Variants in LSAMP observed in about 807,000 individuals in gnomAD.
The protein encoded by LSAMP is limbic system-associated membrane protein.
A neutral mutation model predicts 38.6 loss-of-function variants in LSAMP; 7 were observed. That is an observed-to-expected ratio of 0.18 (90% CI 0.10 to 0.34). The LOEUF is 0.34. Among genes scored for constraint, LSAMP ranks in the 10% least tolerant of loss-of-function variants. LSAMP has a pLI of 1.00. For synonymous variants in LSAMP, 154 were observed against 166.8 expected, an observed-to-expected ratio of 0.92 and a Z score of 0.59; for missense variants, 313 against 420.0, an observed-to-expected ratio of 0.75 and a Z score of 2.23.
intron 1 of LSAMP, among the ~76,000 whole-genome samples, chr3:116,164,683 A>ATG (rs1559766336): frequency 1.9e-5 from 2 of 106,886 alleles, no homozygotes; most frequent in Non-Finnish European, 3.6e-5. Flanking sequence ...ATATATATAT[A>ATG]ATCCAAATAT....
intron 1 of LSAMP, among the ~76,000 whole-genome samples, chr3:116,270,158 A>AT (rs1196567662): frequency 1.3e-5 from 2 of 152,080 alleles, no homozygotes; most frequent in African/African-American, 2.4e-5. Context: ...TTTAGGTCAG[A>AT]TTTTTATATG....
chr3:115,909,565 A>G (rs1170410829), intron 3 of LSAMP, among the ~76,000 whole-genome samples: 2 of 152,094 alleles, frequency 1.3e-5, no homozygotes, highest in East Asian at 1.9e-4. Context: ...GGGAACTCCT[A>G]TTGCTAGATA....
At chr3:115,819,424 G>C (rs555044847) in intron 6 of LSAMP, among the ~76,000 whole-genome samples, 96 of 151,002 alleles carry the variant, frequency 6.4e-4, no homozygotes, top group Non-Finnish European at 1.2e-3. Flanking sequence ...GTGAGACTCT[G>C]TCCAAAAAAA....
intron 3 of LSAMP, among the ~76,000 whole-genome samples, chr3:116,017,190 C>T (rs1940507401): frequency 6.6e-6 from 1 of 152,070 alleles, no homozygotes; most frequent in African/African-American, 2.4e-5. Flanking sequence ...GGTTCCACAT[C>T]AGAAGTTTTA....
At chr3:116,130,743 T>C (rs1322980747) in intron 1 of LSAMP, among the ~76,000 whole-genome samples, 2 of 152,182 alleles carry the variant, frequency 1.3e-5, no homozygotes, top group Non-Finnish European at 2.9e-5. Context: ...TTTAATACAG[T>C]GTATAGCTAC....
intron 1 of LSAMP, among the ~76,000 whole-genome samples, chr3:116,340,273 G>T (rs1418055659): frequency 2.0e-5 from 3 of 151,986 alleles, no homozygotes; most frequent in Admixed American, 2.0e-4. Context: ...CTGACATGTT[G>T]CCTGTTACAT....
chr3:116,167,023 C>T (rs1710072701), intron 1 of LSAMP, among the ~76,000 whole-genome samples: 1 of 152,042 alleles, frequency 6.6e-6, no homozygotes, highest in Non-Finnish European at 1.5e-5. Flanking sequence ...GATCTCCTGA[C>T]CTCGTGATCC....
chr3:115,995,759 T>A (rs1480898214), intron 3 of LSAMP, among the ~76,000 whole-genome samples: 3 of 152,106 alleles, frequency 2.0e-5, no homozygotes, highest in African/African-American at 7.2e-5. Context: ...AAAACTCATG[T>A]TACATTTGAT....
intron 1 of LSAMP, among the ~76,000 whole-genome samples, chr3:116,430,382 C>T (rs1241244215): frequency 2.0e-5 from 3 of 152,022 alleles, no homozygotes; most frequent in African/African-American, 7.2e-5. Flanking sequence ...CAGAATATCA[C>T]ATAATTATGA....
intron 1 of LSAMP, among the ~76,000 whole-genome samples, chr3:116,378,884 T>C (rs1283807655): frequency 6.6e-6 from 1 of 151,866 alleles, no homozygotes; most frequent in Non-Finnish European, 1.5e-5. Flanking sequence ...TTCACAAAGT[T>C]AAATTGACCT....
intron 1 of LSAMP, among the ~76,000 whole-genome samples, chr3:116,142,079 A>G (rs1042102252): frequency 6.6e-6 from 1 of 151,968 alleles, no homozygotes; most frequent in Non-Finnish European, 1.5e-5. Context: ...GCGGTAGGTG[A>G]ATTGGTTATG....
At chr3:115,846,855 C>T (rs552638880) in intron 4 of LSAMP, among the ~76,000 whole-genome samples, 12 of 152,218 alleles carry the variant, frequency 7.9e-5, no homozygotes, top group Non-Finnish European at 1.5e-4. Context: ...GCACAACATG[C>T]GGCGACACAG....
intron 3 of LSAMP, among the ~76,000 whole-genome samples, chr3:115,970,910 T>G (rs191812453): frequency 6.6e-6 from 1 of 152,222 alleles, no homozygotes; most frequent in East Asian, 1.9e-4. Flanking sequence ...GTGTTAGGGG[T>G]TTTTTATAGT....
At chr3:116,123,416 C>G (rs1407695187) in intron 1 of LSAMP, among the ~76,000 whole-genome samples, 2 of 152,140 alleles carry the variant, frequency 1.3e-5, no homozygotes, top group African/African-American at 4.8e-5. Flanking sequence ...AAAATGGCAA[C>G]AAAAGTCTAG....
At chr3:116,192,482 C>T (rs890822362) in intron 1 of LSAMP, among the ~76,000 whole-genome samples, 3 of 152,190 alleles carry the variant, frequency 2.0e-5, no homozygotes, top group African/African-American at 4.8e-5. Flanking sequence ...TTGTCTCTTT[C>T]GTTTTTCTTC....
intron 1 of LSAMP, among the ~76,000 whole-genome samples, chr3:116,208,473 C>T (rs907432692): frequency 4.6e-5 from 7 of 152,194 alleles, no homozygotes; most frequent in African/African-American, 9.7e-5. Context: ...GGAGGAGAAG[C>T]GCTCTGCTTT....
At chr3:116,230,045 A>G (rs2046385909) in intron 1 of LSAMP, among the ~76,000 whole-genome samples, 2 of 152,190 alleles carry the variant, frequency 1.3e-5, no homozygotes, top group African/African-American at 4.8e-5. Flanking sequence ...ATCCTTTGGC[A>G]GAAGAATAAG....
At chr3:115,991,763 C>T (rs918120057) in intron 3 of LSAMP, among the ~76,000 whole-genome samples, 2 of 151,932 alleles carry the variant, frequency 1.3e-5, no homozygotes, top group Non-Finnish European at 2.9e-5. Context: ...GGGAAACTGC[C>T]GTTTAAAGAC....
chr3:116,273,707 T>TATATATATATATATATATATATATAAAC (rs1307543165), intron 1 of LSAMP, among the ~76,000 whole-genome samples: 1 of 102,650 alleles, frequency 9.7e-6, no homozygotes, highest in African/African-American at 4.7e-5. Flanking sequence ...TATATATATA[T>TATATATATATATATATATATATATAAAC]ACACACACAC....
Sources: allele counts gnomAD v4.1 joint callset (sites outside exome capture counted in the v4.1 genomes callset), GRCh38; gene constraint gnomAD v4.1.1; transcripts MANE v1.5; gene names NCBI Gene and HGNC (gene_info 2026-07-23, HGNC 2026-07-21).